The following SETBP1 variants were observed in gnomAD, a reference collection of about 807,000 sequenced individuals.
The protein encoded by SETBP1 is SET-binding protein.
SETBP1 carries 9 observed loss-of-function variants against 101.0 expected under a neutral mutation model. The observed-to-expected ratio is 0.09, with a 90% confidence interval of 0.05 to 0.16. SETBP1 has a LOEUF of 0.16. Ranked by LOEUF, SETBP1 falls within the 10% of genes least tolerant of loss-of-function variation. SETBP1 has a pLI of 1.00. For synonymous variants in SETBP1, 818 were observed against 788.5 expected, an observed-to-expected ratio of 1.04 and a Z score of -0.63; for missense variants, 1,858 against 2,033.8, an observed-to-expected ratio of 0.91 and a Z score of 1.66.
At chr18:44,761,076 C>T (rs561956572) in intron 2 of SETBP1, among the ~76,000 whole-genome samples, 1 of 152,222 alleles carries the variant, frequency 6.6e-6, no homozygotes, top group South Asian at 2.1e-4. Context: ...TAATTCTCAC[C>T]ACAAAATCAG....
intron 4 of SETBP1, among the ~76,000 whole-genome samples, chr18:44,974,335 T>G (rs1568003122): frequency 6.6e-6 from 1 of 152,054 alleles, no homozygotes; most frequent in Non-Finnish European, 1.5e-5. Context: ...ACTACAATAA[T>G]CCAGGCGAGA....
rs1457316220 is a variant in SETBP1 at position 44,724,591 on chromosome 18, G to T, written c.486+22759G>T. Among the ~76,000 whole-genome samples the T allele has an allele frequency of 2.0e-5, 3 of 152,178 alleles. No homozygotes were observed. The East Asian group carries it at 5.8e-4, about 29-fold the overall frequency. On this transcript the variant is annotated intron_variant, in intron 2 of 5. Transcript: ENST00000649279. ...CACAGCTCTTGTTCTGATTGCTTTA[G>T]GGGCATCACTGTACCTCTTGTGGTT... is the stretch of plus-strand genomic sequence containing the variant.
chr18:44,877,041 G>C (rs1486510010), intron 3 of SETBP1: 2 of 1,116,788 alleles, frequency 1.8e-6, no homozygotes, highest in African/African-American at 3.2e-5. Context: ...CGATCACTTA[G>C]GAAACACATG....
intron 4 of SETBP1, among the ~76,000 whole-genome samples, chr18:45,004,211 G>T (rs1174705361): frequency 6.6e-6 from 1 of 152,198 alleles, no homozygotes; most frequent in African/African-American, 2.4e-5. Flanking sequence ...ATGCACTTCT[G>T]CCTTCTTTGA....
intron 2 of SETBP1, among the ~76,000 whole-genome samples, chr18:44,731,766 C>T (rs758373047): frequency 9.9e-5 from 15 of 152,206 alleles, no homozygotes; most frequent in Non-Finnish European, 1.8e-4. Context: ...CCGACAAACA[C>T]GTGCTCTCTC....
At chr18:44,838,800 C>T (rs377035006) in intron 2 of SETBP1, among the ~76,000 whole-genome samples, 1 of 151,444 alleles carries the variant, frequency 6.6e-6, no homozygotes, top group Non-Finnish European at 1.5e-5. Context: ...CTCACTTTTT[C>T]GGAAAACAGG....
Position 44,800,628 on chromosome 18 carries a change from T to A in SETBP1, c.487-68602T>A, listed in dbSNP as rs115489411. Among the ~76,000 whole-genome samples, 351 of 152,068 alleles carry A rather than the reference T, an allele frequency of 2.3e-3. 2 individuals are homozygous for A. The highest frequency in any genetic ancestry group is 8.2e-3 in the African/African-American group (341 of 41,488). Reference sequence around the variant, plus strand: ...GAAGAGCAGCCCAGCAATGAGGACGTTTTTCCAAAAGACCCCAAGAGGGAG... The same window carrying A: ...GAAGAGCAGCCCAGCAATGAGGACGATTTTCCAAAAGACCCCAAGAGGGAG... On this transcript the variant is annotated intron_variant, in intron 2 of 5. Coordinates refer to ENST00000649279, the MANE Select transcript of SETBP1 (RefSeq NM_015559.3).
chr18:44,834,632 T>A (rs990603975), intron 2 of SETBP1, among the ~76,000 whole-genome samples: 3 of 152,182 alleles, frequency 2.0e-5, no homozygotes, highest in African/African-American at 7.2e-5. Flanking sequence ...GACCAGTAAA[T>A]GTAATGATTA....
At chr18:44,788,589 C>T (rs1225923594) in intron 2 of SETBP1, among the ~76,000 whole-genome samples, 1 of 152,014 alleles carries the variant, frequency 6.6e-6, no homozygotes, top group African/African-American at 2.4e-5. Flanking sequence ...CTTATCTTTG[C>T]AGTATTTCCA....
intron 2 of SETBP1, among the ~76,000 whole-genome samples, chr18:44,789,205 T>C (rs563981254): frequency 4.6e-5 from 7 of 152,306 alleles, no homozygotes; most frequent in African/African-American, 7.2e-5. Context: ...AAAAGGATCA[T>C]GCAGAAGAAA....
At chr18:44,800,290 G>C (rs1436461522) in intron 2 of SETBP1, among the ~76,000 whole-genome samples, 1 of 152,082 alleles carries the variant, frequency 6.6e-6, no homozygotes, top group Non-Finnish European at 1.5e-5. Flanking sequence ...TTGATGTTTG[G>C]GGTAAGTGAT....
chr18:45,054,434 C>T (rs188660151), intron 5 of SETBP1, among the ~76,000 whole-genome samples: 3 of 152,302 alleles, frequency 2.0e-5, no homozygotes, highest in South Asian at 4.1e-4. Context: ...AATCCACCCA[C>T]CTCAGCCTCC....
At chr18:45,020,635 G>C (rs1373471156) in intron 4 of SETBP1, among the ~76,000 whole-genome samples, 1 of 152,112 alleles carries the variant, frequency 6.6e-6, no homozygotes, top group Non-Finnish European at 1.5e-5. Flanking sequence ...AAGAAACTCA[G>C]GACAAAAAGC....
At chr18:44,900,042 G>T (rs566605432) in intron 3 of SETBP1, among the ~76,000 whole-genome samples, 2 of 152,232 alleles carry the variant, frequency 1.3e-5, no homozygotes, top group African/African-American at 4.8e-5. Context: ...CATCTGTGTT[G>T]CAATAAAACT....
rs377216236 is a variant in SETBP1 at position 45,011,416 on chromosome 18, C to T, written c.4001-27069C>T. Among the ~76,000 whole-genome samples the T allele has an allele frequency of 5.5e-4, 84 of 152,300 alleles. 1 individual carries two copies. Among genetic ancestry groups the T allele is most frequent in the Middle Eastern group, 6.8e-3 (2 of 294 alleles). The stretch of plus-strand genomic sequence containing the variant: ...TAGGGCAGCCTGTGCCATCTTATAG[C>T]AAGGGTGCATTCAAAGTGCTGATCC... On this transcript the variant is annotated intron_variant, in intron 4 of 5. Coordinates refer to ENST00000649279, the MANE Select transcript of SETBP1 (RefSeq NM_015559.3).
chr18:44,716,543 C>T (rs1317751096), intron 2 of SETBP1, among the ~76,000 whole-genome samples: 1 of 152,052 alleles, frequency 6.6e-6, no homozygotes, highest in Non-Finnish European at 1.5e-5. Flanking sequence ...GTATCAGAAG[C>T]ATAGGTGAGT....
intron 2 of SETBP1, among the ~76,000 whole-genome samples, chr18:44,806,921 T>G (rs764229515): frequency 1.3e-5 from 2 of 152,042 alleles, no homozygotes; most frequent in Non-Finnish European, 2.9e-5. Flanking sequence ...TTTCTCATCT[T>G]TTAATGTCTA....
intron 4 of SETBP1, among the ~76,000 whole-genome samples, chr18:45,019,745 A>G (rs1012818476): frequency 2.0e-5 from 3 of 152,120 alleles, no homozygotes; most frequent in African/African-American, 7.2e-5. Context: ...GTTTGAACCC[A>G]GGGCTAACTA....
intron 2 of SETBP1, among the ~76,000 whole-genome samples, chr18:44,831,402 T>G (rs2072365307): frequency 6.6e-6 from 1 of 152,236 alleles, no homozygotes; most frequent in Admixed American, 6.5e-5. Flanking sequence ...TCCTAACTCT[T>G]GAAAACATTG....
Sources: allele counts gnomAD v4.1 joint callset (sites outside exome capture counted in the v4.1 genomes callset), GRCh38; gene constraint gnomAD v4.1.1; transcripts MANE v1.5; gene names NCBI Gene and HGNC (gene_info 2026-07-23, HGNC 2026-07-21).